Variants in TIMM23 observed in about 807,000 individuals in gnomAD.
TIMM23 encodes the protein translocase of inner mitochondrial membrane 23, also known as mitochondrial import inner membrane translocase subunit Tim23.
A neutral mutation model predicts 30.7 loss-of-function variants in TIMM23; 19 were observed. The observed-to-expected ratio is 0.62, with a 90% CI of 0.43 to 0.91. The LOEUF (loss-of-function observed/expected upper bound fraction) is 0.91. Among genes scored for constraint, TIMM23 ranks in the 40% least tolerant of loss-of-function variants. The pLI is 0.00. For synonymous variants in TIMM23, 78 were observed against 98.5 expected (o/e 0.79, Z 1.23); for missense variants, 202 against 269.2 (o/e 0.75, Z 1.75).
chr10:45,999,453 G>C (rs1016365369), intron 6 of TIMM23, among the ~76,000 whole-genome samples: 3 of 152,210 alleles, frequency 2.0e-5, no homozygotes, highest in East Asian at 3.9e-4. Flanking sequence ...CTGGGCATCC[G>C]GGGGAGACAT....
chr10:45,983,521 T>C (rs1164737209), intron 4 of TIMM23, among the ~76,000 whole-genome samples: 4 of 152,192 alleles, frequency 2.6e-5, no homozygotes, highest in Non-Finnish European at 5.9e-5. Flanking sequence ...TTCACCCAAC[T>C]TAAGAAGTAA....
At chr10:45,980,040 A>G (rs1414907718) in intron 2 of TIMM23, among the ~76,000 whole-genome samples, 1 of 151,622 alleles carries the variant, frequency 6.6e-6, no homozygotes, top group Admixed American at 6.6e-5. Context: ...ATTCTTCATC[A>G]TGAACATTTA....
At chr10:45,984,244 C>T (rs1362522990) in intron 4 of TIMM23, among the ~76,000 whole-genome samples, 12 of 152,238 alleles carry the variant, frequency 7.9e-5, no homozygotes, top group Admixed American at 3.3e-4. Flanking sequence ...CCTCAACAAC[C>T]ATCAACCATG....
Position 45,972,555 on chromosome 10 carries a change from A to T in TIMM23, c.-70A>T. On this transcript the variant is annotated 5_prime_UTR_variant, in exon 1 of 7. Coordinates refer to ENST00000580018, the MANE Select transcript of TIMM23 (RefSeq NM_006327.4). ...AACGCGGGGTTACCCGCTGTTATTG[A>T]GGAGTAACGGCCCAGCGGACCACCC... The T allele has an allele frequency of 1.9e-6, 3 of 1,548,248 alleles. No individual in the cohort carries two copies. The highest frequency in any genetic ancestry group is 2.6e-6 in the Non-Finnish European group (3 of 1,144,678).
chr10:45,981,061 C>T (rs1408270986), intron 2 of TIMM23, among the ~76,000 whole-genome samples: 2 of 147,636 alleles, frequency 1.4e-5, no homozygotes, highest in Non-Finnish European at 3.0e-5. Flanking sequence ...GCCTCAGCCT[C>T]CCAAGTAGCT....
At chr10:45,973,431 A>G (rs1837562595) in intron 1 of TIMM23, among the ~76,000 whole-genome samples, 1 of 152,214 alleles carries the variant, frequency 6.6e-6, no homozygotes, top group South Asian at 2.1e-4. Flanking sequence ...TTGGACCTAA[A>G]GATAGGCAGT....
intron 5 of TIMM23, among the ~76,000 whole-genome samples, chr10:45,988,334 T>TAA (rs1194373627): frequency 1.3e-5 from 2 of 152,140 alleles, no homozygotes; most frequent in Non-Finnish European, 2.9e-5. Flanking sequence ...ATGGGGGTCT[T>TAA]ACAGCCTGCA....
chr10:45,993,893 G>A (rs1181506326), intron 6 of TIMM23, among the ~76,000 whole-genome samples: 1 of 150,874 alleles, frequency 6.6e-6, no homozygotes, highest in South Asian at 2.1e-4. Flanking sequence ...ATGAAACACC[G>A]GGTGAAATGA....
intron 6 of TIMM23, among the ~76,000 whole-genome samples, chr10:45,989,463 G>A (rs1838093156): frequency 6.6e-6 from 1 of 152,092 alleles, no homozygotes; most frequent in African/African-American, 2.4e-5. Context: ...ATCTCTTCAA[G>A]GTCCTTCTTT....
chr10:45,989,658 G>C (rs1838097910), intron 6 of TIMM23, among the ~76,000 whole-genome samples: 1 of 152,018 alleles, frequency 6.6e-6, no homozygotes, highest in Admixed American at 6.6e-5. Flanking sequence ...ACAATAGTTT[G>C]ACCTGTGACA....
Position 45,979,997 on chromosome 10 carries a change from A to G in TIMM23, c.166-2526A>G, listed in dbSNP as rs1281705806. ...GGGGCTTATTAAGGTTAGACATAAA[A>G]TATTTCATATCCCCCCAAAAACTTG... On this transcript the variant is annotated intron_variant, in intron 2 of 6. Transcript: ENST00000580018. Among the ~76,000 whole-genome samples the G allele has an allele frequency of 4.5e-4, 69 of 151,936 alleles. No homozygotes were observed. The East Asian group carries it at 0.012, about 27-fold the overall frequency.
chr10:45,998,787 T>C (rs1838422927), intron 6 of TIMM23, among the ~76,000 whole-genome samples: 1 of 152,142 alleles, frequency 6.6e-6, no homozygotes, highest in African/African-American at 2.4e-5. Context: ...TAGAAAGCTT[T>C]TGGGGGAGTA....
rs1837887507 is a variant in TIMM23 at position 45,982,864 on chromosome 10, T to C, written c.278T>C (p.Met93Thr). ...TTACCAGGGGCTGCGTTTGGTGCAA[T>C]GAATGGTCTTCGGCTAGGATTGAAG... is the stretch of plus-strand genomic sequence containing the variant. ...CCMTGAAFGAMNGLRLGLKET... is the reference protein window; with the variant it reads ...CCMTGAAFGATNGLRLGLKET... The change falls in exon 4 of 7, where the codon ATG becomes ACG. Residue 93 changes from methionine to threonine, a missense_variant. Met to Thr is a moderately conservative substitution (Grantham distance 81). Transcript: ENST00000580018. 6.2e-7 allele frequency: 1 copy of C among 1,613,852 alleles called. No individual in the cohort carries two copies.
At chr10:45,978,077 G>A (rs1163160828) in intron 2 of TIMM23, among the ~76,000 whole-genome samples, 11 of 152,092 alleles carry the variant, frequency 7.2e-5, no homozygotes, top group African/African-American at 1.9e-4. Context: ...AAGTCCTGGC[G>A]CAGTGGCTCG....
chr10:45,985,413 A>G lies in TIMM23; in HGVS notation c.375A>G (p.Ala125=), dbSNP rs1462838334. Reference sequence around the variant, plus strand: ...TGAATATGGTGACTAGGCAAGGGGCACTTTGGGCTAATACTCTAGGTTCTC... The same window carrying G: ...TGAATATGGTGACTAGGCAAGGGGCGCTTTGGGCTAATACTCTAGGTTCTC... The part of the protein sequence containing the change: ...QILNMVTRQG[A]LWANTLGSLA... Residue 125 remains alanine (A), a synonymous_variant, in exon 5 of 7, where the codon GCA becomes GCG. Transcript: ENST00000580018. The G allele has an allele frequency of 3.2e-5, 52 of 1,613,564 alleles. No homozygotes were observed. The African/African-American group carries it at 5.7e-4, about 18-fold the overall frequency.
chr10:45,997,390 T>C (rs1190542321), intron 6 of TIMM23, among the ~76,000 whole-genome samples: 22 of 152,114 alleles, frequency 1.4e-4, no homozygotes, highest in African/African-American at 5.1e-4. Context: ...CAGATTCATG[T>C]GAGGTACTTA....
At chr10:45,988,402 G>C (rs1475291347) in intron 5 of TIMM23, among the ~76,000 whole-genome samples, 2 of 152,076 alleles carry the variant, frequency 1.3e-5, no homozygotes, top group Non-Finnish European at 2.9e-5. Context: ...AGAAAGGTGT[G>C]GGGAAAGATT....
chr10:45,992,799 G>A (rs1219610517), intron 6 of TIMM23: 8 of 326,644 alleles, frequency 2.4e-5, no homozygotes, highest in Middle Eastern at 1.2e-3. Context: ...CTCATGATCC[G>A]CCCACCTCAG....
chr10:45,975,654 C>T, intron 2 of TIMM23, 142 bp downstream of exon 2: 1 of 1,085,830 alleles, frequency 9.2e-7, no homozygotes, highest in East Asian at 2.4e-5. Flanking sequence ...TCCTCACAAA[C>T]ACCAGGAGCT....
Sources: allele counts gnomAD v4.1 joint callset (sites outside exome capture counted in the v4.1 genomes callset), GRCh38; gene constraint gnomAD v4.1.1; transcripts MANE v1.5; gene names NCBI Gene and HGNC (gene_info 2026-07-23, HGNC 2026-07-21).